Variants in CCDC33 observed in about 807,000 individuals in gnomAD.
CCDC33 encodes coiled-coil domain containing 33.
Under a neutral mutation model 91.9 loss-of-function variants are expected in CCDC33, and 94 were observed. That is an observed-to-expected ratio of 1.02 (90% CI 0.87 to 1.21). CCDC33 has a LOEUF of 1.21. Among genes scored for constraint, CCDC33 ranks in the 50% most tolerant of loss-of-function variants. The pLI is 0.00. For synonymous variants in CCDC33, 396 were observed against 374.5 expected, an observed-to-expected ratio of 1.06 and a Z score of -0.66; for missense variants, 940 against 935.5, an observed-to-expected ratio of 1.00 and a Z score of -0.06.
At chr15:74,314,023 C>T (rs2060043651) in intron 11 of CCDC33, among the ~76,000 whole-genome samples, 1 of 152,226 alleles carries the variant, frequency 6.6e-6, no homozygotes, top group Admixed American at 6.5e-5. Context: ...ACCTCCACAC[C>T]TGTGCTCCTG....
At chr15:74,268,553 G>C in intron 5 of CCDC33, 95 bp downstream of exon 5, 7 of 905,048 alleles carry the variant, frequency 7.7e-6, no homozygotes, top group South Asian at 1.4e-5. Flanking sequence ...CCCTCTGGCT[G>C]ACCTGAGGGT....
intron 11 of CCDC33, among the ~76,000 whole-genome samples, chr15:74,313,120 G>A (rs2060022600): frequency 6.6e-6 from 1 of 152,210 alleles, no homozygotes; most frequent in Non-Finnish European, 1.5e-5. Flanking sequence ...AAGCCACTTG[G>A]AAGTCTCTGT....
chr15:74,231,418 C>T (rs1476384761), upstream of CCDC33, among the ~76,000 whole-genome samples: 1 of 152,256 alleles, frequency 6.6e-6, no homozygotes, highest in Non-Finnish European at 1.5e-5. Flanking sequence ...CACACCACCT[C>T]AATCTCCTTT....
intron 2 of CCDC33, among the ~76,000 whole-genome samples, chr15:74,259,400 G>A (rs574907169): frequency 6.6e-6 from 1 of 152,194 alleles, no homozygotes; most frequent in African/African-American, 2.4e-5. Context: ...CTCCTATTCT[G>A]TGAAGAATCA....
chr15:74,207,065 A>G (rs902839840), intron 1 of CCDC33, among the ~76,000 whole-genome samples: 4 of 152,228 alleles, frequency 2.6e-5, no homozygotes, highest in Non-Finnish European at 5.9e-5. Flanking sequence ...TGGCCCATGA[A>G]GGCCTTGGGA....
chr15:74,221,910 G>T (rs910529218), intron 2 of CCDC33, among the ~76,000 whole-genome samples: 1 of 152,130 alleles, frequency 6.6e-6, no homozygotes, highest in African/African-American at 2.4e-5. Flanking sequence ...ATAGAGCTAT[G>T]CCTCTCCAGC....
At chr15:74,216,802 G>A (rs565358405), upstream of CCDC33, among the ~76,000 whole-genome samples, 3 of 151,062 alleles carry the variant, frequency 2.0e-5, no homozygotes, top group South Asian at 2.1e-4. Flanking sequence ...TGGATACCAC[G>A]TACCCATGAG....
At chr15:74,212,412 C>G (rs1006146613), upstream of CCDC33, 6 of 152,264 alleles carry the variant, frequency 3.9e-5, no homozygotes, top group African/African-American at 1.4e-4. Context: ...TAGCTCCCCT[C>G]CTCCAGCTCC....
chr15:74,331,310 C>G lies in CCDC33; in HGVS notation c.1771+14C>G, dbSNP rs901546239. 6 of 1,612,632 alleles carry G rather than the reference C, an allele frequency of 3.7e-6. No individual in the cohort carries two copies. The Admixed American group carries it at 8.3e-5, about 22-fold the overall frequency. On this transcript the variant is annotated intron_variant, in intron 15 of 18. Transcript: ENST00000398814. Reference sequence around the variant, plus strand: ...AGCCCTACACGGGTGGGTCCACACCCTGATGTGATCAGCTCCCCAGCTTCT... The same window carrying G: ...AGCCCTACACGGGTGGGTCCACACCGTGATGTGATCAGCTCCCCAGCTTCT...
At chr15:74,203,317 G>T in intron 1 of CCDC33, 2 of 527,238 alleles carry the variant, frequency 3.8e-6, no homozygotes, top group Non-Finnish European at 4.9e-6. Flanking sequence ...GAGGAGCCCC[G>T]CCTGCCTCCT....
intron 2 of CCDC33, among the ~76,000 whole-genome samples, chr15:74,219,598 G>A (rs1416610601): frequency 6.6e-6 from 1 of 152,210 alleles, no homozygotes; most frequent in Non-Finnish European, 1.5e-5. Context: ...TGTAGGGCAT[G>A]CCTGGCAGGA....
intron 11 of CCDC33, among the ~76,000 whole-genome samples, chr15:74,298,282 A>G (rs1032456601): frequency 6.6e-6 from 1 of 152,102 alleles, no homozygotes; most frequent in African/African-American, 2.4e-5. Flanking sequence ...GGTGGTGGTG[A>G]TGATGGTGAT....
chr15:74,320,404 A>T (rs370243586), intron 11 of CCDC33, among the ~76,000 whole-genome samples: 1 of 150,916 alleles, frequency 6.6e-6, no homozygotes, highest in East Asian at 2.0e-4. Context: ...CCCCTCCCCA[A>T]CCCTACCCCT....
At chr15:74,305,239 G>A (rs895374402) in intron 11 of CCDC33, among the ~76,000 whole-genome samples, 27 of 152,218 alleles carry the variant, frequency 1.8e-4, no homozygotes, top group African/African-American at 6.0e-4. Context: ...GAGCCACCAC[G>A]CCTGGCCTAA....
At chr15:74,249,650 C>A (rs567146350) in intron 2 of CCDC33, among the ~76,000 whole-genome samples, 7 of 151,974 alleles carry the variant, frequency 4.6e-5, no homozygotes, top group Non-Finnish European at 8.8e-5. Context: ...AAACTGTGAC[C>A]CCGCAGTATT....
At chr15:74,219,998 G>A (rs1361537208) in intron 2 of CCDC33, among the ~76,000 whole-genome samples, 1 of 152,212 alleles carries the variant, frequency 6.6e-6, no homozygotes, top group Non-Finnish European at 1.5e-5. Context: ...CCAGGTGGTG[G>A]ACTGTCAGGC....
intron 4 of CCDC33, among the ~76,000 whole-genome samples, chr15:74,267,570 T>G (rs2076200559): frequency 6.6e-6 from 1 of 151,076 alleles, no homozygotes; most frequent in Admixed American, 6.6e-5. Flanking sequence ...ATGTGCCAGG[T>G]AGTGAGCCAG....
intron 10 of CCDC33, among the ~76,000 whole-genome samples, chr15:74,291,536 G>T (rs954520812): frequency 6.6e-6 from 1 of 152,256 alleles, no homozygotes; most frequent in East Asian, 1.9e-4. Context: ...GTCAGTTTCC[G>T]CTTCAGGCCC....
chr15:74,291,194 G>A (rs1217254073), intron 10 of CCDC33, among the ~76,000 whole-genome samples: 3 of 152,218 alleles, frequency 2.0e-5, no homozygotes. Context: ...AATGAGGCTC[G>A]CTGTATGCAG....
Sources: gnomAD v4.1 joint callset for allele counts (sites outside exome capture counted in the v4.1 genomes callset) on GRCh38, gnomAD v4.1.1 for gene constraint, MANE v1.5 for transcripts, NCBI Gene and HGNC (gene_info 2026-07-23, HGNC 2026-07-21) for gene names.